TCF20: variants seen among roughly 807,000 people sequenced by gnomAD.
TCF20 encodes transcription factor 20, also known as SPRE-binding protein.
TCF20 carries 3 observed loss-of-function variants against 148.6 expected under a neutral mutation model. The ratio of observed to expected loss-of-function variants is 0.02; its 90% CI spans 0.01 to 0.05. The LOEUF is 0.05. Ranked by LOEUF, TCF20 falls within the 10% of genes least tolerant of loss-of-function variation. TCF20 has a pLI of 1.00. For synonymous variants in TCF20, 1,049 were observed against 909.5 expected, an observed-to-expected ratio of 1.15 and a Z score of -2.76; for missense variants, 2,350 against 2,429.3, an observed-to-expected ratio of 0.97 and a Z score of 0.69.
intron 3 of TCF20, among the ~76,000 whole-genome samples, chr22:42,178,097 T>C (rs1936552770): frequency 1.3e-5 from 2 of 152,218 alleles, no homozygotes; most frequent in Non-Finnish European, 2.9e-5. Flanking sequence ...AGAGGGCTTC[T>C]GGACTGCTGA....
At chr22:42,300,118 G>A (rs1294260384) in intron 1 of TCF20, among the ~76,000 whole-genome samples, 1 of 152,166 alleles carries the variant, frequency 6.6e-6, no homozygotes, top group Non-Finnish European at 1.5e-5. Flanking sequence ...ATTTTAAAAC[G>A]AGGCAGATTG....
chr22:42,311,290 G>A (rs947832641), intron 1 of TCF20, among the ~76,000 whole-genome samples: 1 of 152,372 alleles, frequency 6.6e-6, no homozygotes, highest in Non-Finnish European at 1.5e-5. Context: ...CCTGGCACCA[G>A]GCCCAGGCCC....
chr22:42,256,969 G>A (rs1925778328), intron 1 of TCF20, among the ~76,000 whole-genome samples: 1 of 152,154 alleles, frequency 6.6e-6, no homozygotes, highest in Non-Finnish European at 1.5e-5. Flanking sequence ...AATCAGCCTG[G>A]TCAACATAGA....
Position 42,290,397 on chromosome 22 carries a change from C to T in TCF20, c.-37+53082G>A, listed in dbSNP as rs969906260. On this transcript the variant is annotated intron_variant, in intron 1 of 1. Coordinates refer to the TCF20 transcript ENST00000515426. This position sits in a 1 kb window ranked among gnomAD's most constrained non-coding sequence, Gnocchi z 4.2. ...CAGCCAAAACACACGGAATGAGAAT[C>T]GTTCAGAATCTTTCATCTGCTCAAA... is the stretch of plus-strand genomic sequence containing the variant. 3.3e-5 allele frequency among the ~76,000 whole-genome samples: 5 copies of T among 152,350 alleles called. No homozygotes were observed. Among genetic ancestry groups the T allele is most frequent in the African/African-American group, 7.2e-5 (3 of 41,582 alleles).
At chr22:42,207,892 A>T (rs939550559) in intron 2 of TCF20, among the ~76,000 whole-genome samples, 5 of 152,242 alleles carry the variant, frequency 3.3e-5, no homozygotes, top group African/African-American at 1.2e-4. Context: ...AAAGATTTTT[A>T]AAAATTATAG....
At chr22:42,230,510 G>T (rs1472952479) in intron 1 of TCF20, among the ~76,000 whole-genome samples, 2 of 152,120 alleles carry the variant, frequency 1.3e-5, no homozygotes, top group Non-Finnish European at 2.9e-5. Flanking sequence ...CTGGGTGTGG[G>T]AGCATGTGCC....
intron 1 of TCF20, among the ~76,000 whole-genome samples, chr22:42,339,838 G>A (rs920757120): frequency 1.3e-5 from 2 of 152,176 alleles, no homozygotes; most frequent in East Asian, 3.9e-4. Context: ...AGCCTGATGC[G>A]CAGACTCAGG....
chr22:42,330,240 G>A (rs1224583356), intron 1 of TCF20, among the ~76,000 whole-genome samples: 1 of 152,198 alleles, frequency 6.6e-6, no homozygotes, highest in Non-Finnish European at 1.5e-5. Context: ...ATGAAACAGT[G>A]ATCCTTCCTT....
At chr22:42,304,079 G>A (rs952606661) in intron 1 of TCF20, among the ~76,000 whole-genome samples, 1 of 151,718 alleles carries the variant, frequency 6.6e-6, no homozygotes, top group Admixed American at 6.6e-5. Flanking sequence ...CAAAGGTAGC[G>A]TCCTTTGAGG....
intron 1 of TCF20, among the ~76,000 whole-genome samples, 68 bp downstream of exon 1, chr22:42,270,271 A>G (rs768335254): frequency 1.3e-5 from 2 of 151,206 alleles, no homozygotes; most frequent in African/African-American, 2.4e-5. Flanking sequence ...GAGGCCGGAC[A>G]CCCCGGCCCG....
In TCF20 at chr22:42,213,649, A is replaced by G; in HGVS notation, c.1657T>C (p.Ser553Pro). 6.2e-7 allele frequency: 1 copy of G among 1,614,096 alleles called. No homozygotes were observed. The highest frequency in any genetic ancestry group is 8.5e-7 in the Non-Finnish European group (1 of 1,180,024). The change falls in exon 2 of 6, where the codon TCT becomes CCT. Residue 553 changes from serine (S) to proline (P), a missense_variant. By Grantham distance (74) the Ser-to-Pro change is moderately conservative. This residue lies in a region of TCF20 where 1,641 missense variants were observed against 1,662.6 expected (regional missense o/e 0.99). Transcript: ENST00000677622. The part of the protein sequence containing the change: ...SSDTTYKGGA[S>P]EKAGSSPAQG... ...GCCGGTGAGGAGCCAGCTTTCTCAG[A>G]GGCTCCACCCTTGTAGGTGGTGTCA...
At chr22:42,319,599 G>A (rs570688182) in intron 1 of TCF20, among the ~76,000 whole-genome samples, 38 of 152,290 alleles carry the variant, frequency 2.5e-4, no homozygotes, top group East Asian at 1.9e-3. Context: ...AGTAGTCAAC[G>A]GGCAGGGTTT....
chr22:42,333,232 G>A (rs1285762111), intron 1 of TCF20, among the ~76,000 whole-genome samples: 2 of 152,156 alleles, frequency 1.3e-5, no homozygotes, highest in African/African-American at 4.8e-5. Context: ...AGAGGCTTTA[G>A]GGGATGGTGC....
At chr22:42,194,454 C>T (rs1021156308) in intron 2 of TCF20, among the ~76,000 whole-genome samples, 2 of 152,208 alleles carry the variant, frequency 1.3e-5, no homozygotes, top group African/African-American at 4.8e-5. Context: ...CCCCGGCCGC[C>T]TTGCACAATG....
Position 42,199,706 on chromosome 22 carries a change from C to CGAAAA in TCF20, c.5655+9944_5655+9945insTTTTC, listed in dbSNP as rs564228573. 1.8e-4 allele frequency among the ~76,000 whole-genome samples: 6 copies of CGAAAA among 33,868 alleles called. No homozygotes were observed. The Admixed American group carries it at 2.5e-3, about 14-fold the overall frequency. The allele number at this position is 33,868 out of a possible 152,430, so 22.2% of individuals were successfully genotyped here. On this transcript the variant is annotated intron_variant, in intron 2 of 5. Transcript: ENST00000677622. ...CTAACATGGCAAAACCCCATCTCTACAAAAAAAAAAAAAAAAAAAAAAAAA... is the reference window on the plus strand; with the variant it reads ...CTAACATGGCAAAACCCCATCTCTACGAAAAAAAAAAAAAAAAAAAAAAAAAAAAA...
rs542628427 is a variant in TCF20 at position 42,224,209 on chromosome 22, C to T, written c.-36-8868G>A. ...TTTCCTGGCCAGGCGCAGTGGCTCA[C>T]GCCTGTAATACCAGCACTTTGGGAG... On this transcript the variant is annotated intron_variant, in intron 1 of 5. Transcript: ENST00000677622. Among the ~76,000 whole-genome samples the T allele has an allele frequency of 9.9e-5, 15 of 152,156 alleles. No individual in the cohort carries two copies. The East Asian group carries it at 2.7e-3, about 27-fold the overall frequency.
Position 42,214,769 on chromosome 22 carries a change from T to TTGCTGC in TCF20, c.531_536dup (p.Gln178_Gln179dup). The TTGCTGC allele has an allele frequency of 6.2e-7, 1 of 1,613,442 alleles. No homozygotes were observed. The highest frequency in any genetic ancestry group is 8.5e-7 in the Non-Finnish European group (1 of 1,179,586). On this transcript the variant is annotated inframe_insertion, in exon 2 of 6. Coordinates refer to ENST00000677622, the MANE Select transcript of TCF20 (RefSeq NM_001378418.1). Reference sequence around the variant, plus strand: ...AAAGCTGTTGTCTCAACTGCTGGACTTGCTGCTGCTGCTGCTGGCTGGAAG... The same window carrying TTGCTGC: ...AAAGCTGTTGTCTCAACTGCTGGACTTGCTGCTGCTGCTGCTGCTGCTGGCTGGAAG...
chr22:42,283,215 C>T (rs1926945883), intron 1 of TCF20, among the ~76,000 whole-genome samples: 1 of 152,252 alleles, frequency 6.6e-6, no homozygotes, highest in Admixed American at 6.5e-5. Context: ...CAGCAGACCA[C>T]CCACTGCCCC....
chr22:42,299,296 G>A lies in TCF20; in HGVS notation c.-37+44183C>T, dbSNP rs1437490680. Among the ~76,000 whole-genome samples, 2 of 152,028 alleles carry A rather than the reference G, an allele frequency of 1.3e-5. No individual in the cohort carries two copies. Among genetic ancestry groups the A allele is most frequent in the East Asian group, 3.9e-4 (2 of 5,178 alleles). On this transcript the variant is annotated intron_variant, in intron 1 of 1. Coordinates refer to the TCF20 transcript ENST00000515426. The surrounding 1 kb of genome is among the most constrained non-coding windows in gnomAD (Gnocchi z 4.1). The stretch of plus-strand genomic sequence containing the variant: ...AGGCCATGTCTGGCTGGGGGTGCAG[G>A]AACTGAGGGTCCTTCCCAGCCCCTC...
Sources: allele counts gnomAD v4.1 joint callset (sites outside exome capture counted in the v4.1 genomes callset), GRCh38; gene constraint gnomAD v4.1.1; regional missense constraint gnomAD v4.1.1; non-coding constraint Gnocchi (gnomAD v3.1); transcripts MANE v1.5; gene names NCBI Gene and HGNC (gene_info 2026-07-23, HGNC 2026-07-21).